Variants in KIF16B observed in about 807,000 individuals in gnomAD.
KIF16B encodes kinesin family member 16B.
A neutral mutation model predicts 156.3 loss-of-function variants in KIF16B; 98 were observed. The ratio of observed to expected loss-of-function variants is 0.63; its 90% CI spans 0.53 to 0.74. The LOEUF (loss-of-function observed/expected upper bound fraction) is 0.74, where lower values mean the gene tolerates loss of function less well. KIF16B is among the 30% of genes least tolerant of loss of function. KIF16B has a pLI of 0.00. For missense variants in KIF16B, 1,421 were observed against 1,606.5 expected (o/e 0.88, Z 1.97); for synonymous variants, 564 against 583.7 (o/e 0.97, Z 0.49).
intron 1 of KIF16B, among the ~76,000 whole-genome samples, chr20:16,551,420 T>C (rs2070659017): frequency 6.6e-6 from 1 of 152,200 alleles, no homozygotes. Context: ...TGAGCCACTG[T>C]GCCTGGCCGA....
chr20:16,354,766 C>T (rs2064404556), intron 23 of KIF16B, among the ~76,000 whole-genome samples: 1 of 152,102 alleles, frequency 6.6e-6, no homozygotes, highest in Non-Finnish European at 1.5e-5. Flanking sequence ...TAACACAGTG[C>T]AAACCCTGTC....
chr20:16,522,478 AATAT>A (rs1448516433), intron 3 of KIF16B, among the ~76,000 whole-genome samples: 1 of 152,180 alleles, frequency 6.6e-6, no homozygotes, highest in Non-Finnish European at 1.5e-5. Flanking sequence ...AACTATCCTA[AATAT>A]ATATGCACCC....
In KIF16B at chr20:16,382,402, T is replaced by A. The variant is rs12625823; in HGVS notation, c.1785-655A>T. Among the ~76,000 whole-genome samples, 994 of 152,308 alleles carry A rather than the reference T, an allele frequency of 6.5e-3. 8 individuals carry two copies. The highest frequency in any genetic ancestry group is 0.025 in the East Asian group (132 of 5,186). ...ATCATAGAAAATAACTGAGTACCAA[T>A]AATAAATATAAACAGTAGTCAAACT... On this transcript the variant is annotated intron_variant, in intron 17 of 25. Coordinates refer to ENST00000354981, the MANE Select transcript of KIF16B (RefSeq NM_024704.5).
rs73901615 is a variant in KIF16B at position 16,370,029 on chromosome 20, T to A, written c.3498+557A>T. ...TCTGTTCAGTAATGTATGGACACCA[T>A]CTGGAAAATTTCCATCACCTACTAT... On this transcript the variant is annotated intron_variant, in intron 22 of 25. Transcript: ENST00000354981. 3.6e-3 allele frequency among the ~76,000 whole-genome samples: 542 copies of A among 152,314 alleles called. 3 individuals carry two copies. Among genetic ancestry groups the A allele is most frequent in the Middle Eastern group, 0.024 (7 of 294 alleles).
chr20:16,459,808 T>C (rs912503318), intron 12 of KIF16B, among the ~76,000 whole-genome samples: 6 of 152,204 alleles, frequency 3.9e-5, no homozygotes, highest in African/African-American at 1.2e-4. Flanking sequence ...GAATCTCATA[T>C]GAGTGAAAGT....
At chr20:16,386,028 C>T (rs779330979) in intron 17 of KIF16B, among the ~76,000 whole-genome samples, 1 of 152,128 alleles carries the variant, frequency 6.6e-6, no homozygotes, top group Non-Finnish European at 1.5e-5. Flanking sequence ...CCAACTGAGA[C>T]GTCCAGCAGG....
At chr20:16,568,476 T>A (rs1180520837) in intron 1 of KIF16B, among the ~76,000 whole-genome samples, 1 of 152,130 alleles carries the variant, frequency 6.6e-6, no homozygotes, top group Non-Finnish European at 1.5e-5. Flanking sequence ...TGTGGAGAGC[T>A]TTATCCACAT....
At chr20:16,479,140 T>TA (rs2067905099) in intron 12 of KIF16B, among the ~76,000 whole-genome samples, 1 of 152,046 alleles carries the variant, frequency 6.6e-6, no homozygotes, top group African/African-American at 2.4e-5. Flanking sequence ...ATGGAACAAA[T>TA]ATGGTACACA....
chr20:16,436,371 C>T (rs1181631208), intron 12 of KIF16B, among the ~76,000 whole-genome samples: 2 of 152,096 alleles, frequency 1.3e-5, no homozygotes, highest in Non-Finnish European at 2.9e-5. Flanking sequence ...TCCTGGGCTC[C>T]CTAATGATTG....
chr20:16,411,590 A>C (rs1030939167), intron 15 of KIF16B, among the ~76,000 whole-genome samples: 2 of 152,024 alleles, frequency 1.3e-5, no homozygotes, highest in Admixed American at 6.6e-5. Flanking sequence ...AGAAAAAAAA[A>C]CCCACAGTGA....
At chr20:16,413,920 T>C (rs2066022477) in intron 15 of KIF16B, among the ~76,000 whole-genome samples, 1 of 152,052 alleles carries the variant, frequency 6.6e-6, no homozygotes, top group Admixed American at 6.6e-5. Flanking sequence ...TCTTATTTCA[T>C]TGCCTGATTG....
At chr20:16,453,050 T>C (rs1038016633) in intron 12 of KIF16B, among the ~76,000 whole-genome samples, 2 of 151,422 alleles carry the variant, frequency 1.3e-5, no homozygotes, top group Non-Finnish European at 2.9e-5. Flanking sequence ...ATAGACCAAG[T>C]TCCAATATAA....
intron 22 of KIF16B, among the ~76,000 whole-genome samples, chr20:16,360,065 G>C (rs375745537): frequency 4.6e-5 from 7 of 152,220 alleles, no homozygotes; most frequent in African/African-American, 1.7e-4. Context: ...AAAATATAAG[G>C]TAGGGATCTG....
At chr20:16,448,558 C>A (rs1246312483) in intron 12 of KIF16B, among the ~76,000 whole-genome samples, 1 of 152,084 alleles carries the variant, frequency 6.6e-6, no homozygotes, top group East Asian at 1.9e-4. Context: ...CACTCCTCAG[C>A]CAGGCAAAAG....
At chr20:16,333,672 C>A (rs1422584579) in intron 24 of KIF16B, among the ~76,000 whole-genome samples, 1 of 152,144 alleles carries the variant, frequency 6.6e-6, no homozygotes, top group Non-Finnish European at 1.5e-5. Context: ...TCATTCTTAA[C>A]CTTGGGTATG....
chr20:16,439,481 C>A (rs376062670), intron 12 of KIF16B, among the ~76,000 whole-genome samples: 3 of 152,146 alleles, frequency 2.0e-5, no homozygotes, highest in East Asian at 3.9e-4. Flanking sequence ...ACAATCACAG[C>A]GGCCTCCTCA....
At chr20:16,470,675 T>C (rs181259278) in intron 12 of KIF16B, among the ~76,000 whole-genome samples, 3,404 of 151,158 alleles carry the variant, frequency 0.023, 65 homozygotes, top group South Asian at 0.067. Context: ...TTTTTTTTTT[T>C]TGGTAGAGAC....
intron 3 of KIF16B, among the ~76,000 whole-genome samples, chr20:16,520,354 C>T (rs2069300543): frequency 6.6e-6 from 1 of 152,108 alleles, no homozygotes; most frequent in African/African-American, 2.4e-5. Flanking sequence ...GAGGGGCATC[C>T]ACCATTACTG....
chr20:16,311,614 G>C (rs1231546507), intron 25 of KIF16B, among the ~76,000 whole-genome samples: 1 of 152,214 alleles, frequency 6.6e-6, no homozygotes, highest in African/African-American at 2.4e-5. Context: ...CTGCCTCAAT[G>C]GTTCACAATG....
Sources: allele counts gnomAD v4.1 joint callset (sites outside exome capture counted in the v4.1 genomes callset), GRCh38; gene constraint gnomAD v4.1.1; transcripts MANE v1.5; gene names NCBI Gene and HGNC (gene_info 2026-07-23, HGNC 2026-07-21).